The following C3orf70 variants were observed in gnomAD, a reference collection of about 807,000 sequenced individuals.
C3orf70 encodes UPF0524 protein C3orf70.
In C3orf70, 15 loss-of-function variants were observed where a neutral mutation model predicts 20.7. That is an observed-to-expected ratio of 0.72 (90% CI 0.48 to 1.11). The LOEUF (loss-of-function observed/expected upper bound fraction) is 1.11, where lower values mean the gene tolerates loss of function less well. Among genes scored for constraint, C3orf70 ranks in the 50% most tolerant of loss-of-function variants. The pLI, the probability that C3orf70 is intolerant of heterozygous loss-of-function variation, is 0.00. For missense variants in C3orf70, 332 were observed against 317.6 expected (o/e 1.05, Z -0.34); for synonymous variants, 161 against 125.7 (o/e 1.28, Z -1.88).
Position 185,151,787 on chromosome 3 carries a change from T to G in C3orf70, c.196+841A>C, listed in dbSNP as rs539754762. Among the ~76,000 whole-genome samples, 42 of 152,324 alleles carry G rather than the reference T, an allele frequency of 2.8e-4. No individual in the cohort carries two copies. The South Asian group carries it at 8.5e-3, about 31-fold the overall frequency. ...GAAACTAACTTTAGAATATATTTCT[T>G]AAAATGAATGATTCATCGGATATAG... On this transcript the variant is annotated intron_variant, in intron 1 of 1. Coordinates refer to ENST00000335012, the MANE Select transcript of C3orf70 (RefSeq NM_001025266.3).
chr3:185,086,021 C>CAGGATGAA (rs1715451775), intron 1 of C3orf70, among the ~76,000 whole-genome samples: 2 of 152,180 alleles, frequency 1.3e-5, no homozygotes, highest in Non-Finnish European at 2.9e-5. Flanking sequence ...GTTCATCCTG[C>CAGGATGAA]CCTAAGTAAC....
At position 185,083,112 on chromosome 3, in the gene C3orf70, C is replaced by T. The variant is rs761448354; in HGVS notation, c.648G>A (p.Glu216=). ...AGCTGCTCTCTGGACTGTAATCTTC[C>T]TCTGAACTCAGTTCTGCTCCTTCTT... ...DTEEGAELSS[E]EDYSPESSWE... is the part of the protein sequence containing the mutation. The change falls in exon 2 of 2, where the codon GAG becomes GAA. Residue 216 remains glutamate, a synonymous_variant. Transcript: ENST00000335012. 1 of 1,614,196 alleles carries T rather than the reference C, an allele frequency of 6.2e-7. No individual in the cohort carries two copies. The highest frequency in any genetic ancestry group is 2.2e-5 in the East Asian group (1 of 44,882).
At chr3:185,113,368 T>C (rs746033113) in intron 1 of C3orf70, among the ~76,000 whole-genome samples, 2 of 152,004 alleles carry the variant, frequency 1.3e-5, no homozygotes, top group African/African-American at 2.4e-5. Flanking sequence ...ATACCTTTTC[T>C]GGATAGAATT....
At chr3:185,146,157 A>ATCAGCGTTCTC (rs1379849553) in intron 1 of C3orf70, among the ~76,000 whole-genome samples, 8 of 151,906 alleles carry the variant, frequency 5.3e-5, no homozygotes, top group African/African-American at 1.9e-4. Flanking sequence ...GGAAGAACCT[A>ATCAGCGTTCTC]TCAGCGTTCT....
At chr3:185,134,116 C>CTCATATAT (rs71298571) in intron 1 of C3orf70, among the ~76,000 whole-genome samples, 8 of 134,742 alleles carry the variant, frequency 5.9e-5, no homozygotes, top group Non-Finnish European at 1.0e-4. Flanking sequence ...AAAAATACAT[C>CTCATATAT]ATATATATAT....
chr3:185,141,622 G>C (rs1415582662), intron 1 of C3orf70, among the ~76,000 whole-genome samples: 3 of 152,170 alleles, frequency 2.0e-5, no homozygotes, highest in Admixed American at 2.0e-4. Context: ...TGGATCTCCA[G>C]AGAGTTATGC....
intron 1 of C3orf70, among the ~76,000 whole-genome samples, chr3:185,088,303 T>TA (rs2108587388): frequency 6.6e-6 from 1 of 152,288 alleles, no homozygotes; most frequent in East Asian, 1.9e-4. Flanking sequence ...TGCCACTCCA[T>TA]AATGAGAAAA....
At chr3:185,126,628 A>G (rs1189596269) in intron 1 of C3orf70, among the ~76,000 whole-genome samples, 1 of 152,250 alleles carries the variant, frequency 6.6e-6, no homozygotes, top group Non-Finnish European at 1.5e-5. Context: ...CATAAACCCA[A>G]GAAATAGATA....
intron 1 of C3orf70, among the ~76,000 whole-genome samples, chr3:185,093,401 G>A (rs768066314): frequency 6.6e-6 from 1 of 152,190 alleles, no homozygotes. Context: ...GAAAATTAGA[G>A]ATAATGAAGG....
Position 185,077,156 on chromosome 3 carries a change from C to T in C3orf70, c.*5851G>A, listed in dbSNP as rs541704779. 5.9e-5 allele frequency among the ~76,000 whole-genome samples: 9 copies of T among 151,808 alleles called. No individual in the cohort carries two copies. Among genetic ancestry groups the T allele is most frequent in the African/African-American group, 1.9e-4 (8 of 41,218 alleles). ...GGGTGGGGGGGCACTGTATGGAGGA[C>T]AGAGAAGGGGACAAAGAGGGAAGCC... On this transcript the variant is annotated 3_prime_UTR_variant, in exon 2 of 2. Coordinates refer to ENST00000335012, the MANE Select transcript of C3orf70 (RefSeq NM_001025266.3).
At chr3:185,092,157 TTAA>T (rs1016382403) in intron 1 of C3orf70, among the ~76,000 whole-genome samples, 1 of 151,672 alleles carries the variant, frequency 6.6e-6, no homozygotes, top group African/African-American at 2.4e-5. Flanking sequence ...GTAAAAGTGA[TTAA>T]TGATATCTAC....
chr3:185,139,768 G>T (rs1485810129), intron 1 of C3orf70, among the ~76,000 whole-genome samples: 1 of 152,028 alleles, frequency 6.6e-6, no homozygotes, highest in Non-Finnish European at 1.5e-5. Flanking sequence ...GGAGCAACTG[G>T]ACATCCATAG....
rs1346513052 is a variant in C3orf70, at chr3:185,093,003, AAAAG to A, written c.197-9444_197-9441del. ...AGACTCCATCTCAAAAAAAAAAAAA[AAAAG>A]AAAGGGACAATGTATAGTGCAGGTT... On this transcript the variant is annotated intron_variant, in intron 1 of 1. Transcript: ENST00000335012. 1.1e-3 allele frequency among the ~76,000 whole-genome samples: 163 copies of A among 152,180 alleles called. 1 individual carries two copies. Among genetic ancestry groups the A allele is most frequent in the African/African-American group, 3.8e-3 (156 of 41,534 alleles).
At chr3:185,089,530 T>TA (rs1561328612) in intron 1 of C3orf70, among the ~76,000 whole-genome samples, 1 of 152,196 alleles carries the variant, frequency 6.6e-6, no homozygotes, top group African/African-American at 2.4e-5. Context: ...AGATTGTTGT[T>TA]AAAATACTCC....
chr3:185,092,131 T>C (rs1715604839), intron 1 of C3orf70, among the ~76,000 whole-genome samples: 1 of 151,470 alleles, frequency 6.6e-6, no homozygotes, highest in Non-Finnish European at 1.5e-5. Flanking sequence ...TTATCTCATA[T>C]TTTCAGTTTC....
intron 1 of C3orf70, among the ~76,000 whole-genome samples, chr3:185,104,664 A>T (rs35039308): frequency 0.052 from 7,906 of 152,264 alleles, 667 homozygotes; most frequent in African/African-American, 0.18. Flanking sequence ...AATGAGATCA[A>T]GTCCTTTGCA....
intron 1 of C3orf70, among the ~76,000 whole-genome samples, chr3:185,123,123 G>A (rs1716336489): frequency 6.9e-6 from 1 of 144,842 alleles, no homozygotes; most frequent in African/African-American, 2.6e-5. Flanking sequence ...AGGTTGCAGT[G>A]AGCCAAGATC....
intron 1 of C3orf70, among the ~76,000 whole-genome samples, chr3:185,134,995 T>G (rs1412501665): frequency 6.6e-6 from 1 of 151,892 alleles, no homozygotes; most frequent in African/African-American, 2.4e-5. Flanking sequence ...TGCAGCCCCT[T>G]CCCCTGCCAG....
rs1447776827 is a variant in C3orf70 at position 185,080,019 on chromosome 3, CTG to C, written c.*2986_*2987del. On this transcript the variant is annotated 3_prime_UTR_variant, in exon 2 of 2. Transcript: ENST00000335012. ...CTAGAATTTAAAGTGAAACTACAAT[CTG>C]TTTCAGTTGGTTTTGGAATGCAAGC... 2 of 152,660 alleles carry C rather than the reference CTG, an allele frequency of 1.3e-5. No individual in the cohort carries two copies. Among genetic ancestry groups the C allele is most frequent in the Non-Finnish European group, 2.9e-5 (2 of 68,040 alleles). The allele number at this position is 152,660 out of a possible 1,614,324, so 9.5% of individuals were successfully genotyped here.
Sources: gnomAD v4.1 joint callset for allele counts (sites outside exome capture counted in the v4.1 genomes callset) on GRCh38, gnomAD v4.1.1 for gene constraint, MANE v1.5 for transcripts, NCBI Gene and HGNC (gene_info 2026-07-23, HGNC 2026-07-21) for gene names.